ARGLU1: variants seen among roughly 807,000 people sequenced by gnomAD.
The protein encoded by ARGLU1 is arginine and glutamate-rich protein 1.
ARGLU1 carries 9 observed loss-of-function variants against 37.6 expected under a neutral mutation model. The ratio of observed to expected loss-of-function variants is 0.24; its 90% CI spans 0.14 to 0.42. ARGLU1 has a LOEUF of 0.42. Among genes scored for constraint, ARGLU1 ranks in the 10% least tolerant of loss-of-function variants. The pLI is 1.00. For missense variants in ARGLU1, 211 were observed against 359.2 expected (o/e 0.59, Z 3.34); for synonymous variants, 166 against 138.5 (o/e 1.20, Z -1.39).
intron 3 of ARGLU1, 126 bp from the exon 4 acceptor site, chr13:106,544,286 A>G: frequency 4.2e-6 from 3 of 709,116 alleles, no homozygotes; most frequent in Non-Finnish European, 6.2e-6. Flanking sequence ...AAAAGGGGGT[A>G]AAAACAAGGA....
intron 3 of ARGLU1, among the ~76,000 whole-genome samples, chr13:106,556,211 C>T (rs985442050): frequency 6.6e-6 from 1 of 152,208 alleles, no homozygotes; most frequent in Admixed American, 6.5e-5. Flanking sequence ...TTCGGGAAAG[C>T]GGATTATGGC....
rs961809637 is a variant in ARGLU1 at position 106,567,507 on chromosome 13, G to A, written c.347+66C>T. ...TCCCGGCCCGCACCGTCCCGCCCCG[G>A]CCCCACGCCCTCGCCCCGCGCCCTG... On this transcript the variant is annotated intron_variant, in intron 1 of 3. Coordinates refer to ENST00000400198, the MANE Select transcript of ARGLU1 (RefSeq NM_018011.4). This position sits in a 1 kb window ranked among gnomAD's most constrained non-coding sequence, Gnocchi z 4.3. The A allele has an allele frequency of 2.9e-5, 35 of 1,188,416 alleles. No individual in the cohort carries two copies. The highest frequency in any genetic ancestry group is 3.1e-5 in the Non-Finnish European group (25 of 809,394). 73.6% of individuals were successfully genotyped at this position (1,188,416 alleles called of 1,614,324 possible).
intron 1 of ARGLU1, chr13:106,561,810 T>C (rs1880809418): frequency 1.3e-5 from 2 of 152,142 alleles, no homozygotes; most frequent in African/African-American, 2.4e-5. Flanking sequence ...AAGGAGAAAA[T>C]GAGCCAAATA....
chr13:106,561,972 G>A (rs1594194491), intron 1 of ARGLU1: 1 of 152,192 alleles, frequency 6.6e-6, no homozygotes, highest in African/African-American at 2.4e-5. Flanking sequence ...ACAGCTCAGC[G>A]ACTTTATAGC....
intron 1 of ARGLU1, among the ~76,000 whole-genome samples, chr13:106,560,596 CAATAA>C (rs1287346883): frequency 2.0e-5 from 3 of 152,044 alleles, no homozygotes; most frequent in Non-Finnish European, 4.4e-5. Flanking sequence ...TAAAAATATA[CAATAA>C]AATTAATTTC....
Position 106,542,134 on chromosome 13 carries a change from A to C in ARGLU1, c.*1862T>G, listed in dbSNP as rs1265116738. 2.0e-5 allele frequency: 3 copies of C among 152,176 alleles called. No individual in the cohort carries two copies. Among genetic ancestry groups the C allele is most frequent in the African/African-American group, 7.2e-5 (3 of 41,438 alleles). 9.4% of individuals were successfully genotyped at this position (152,176 alleles called of 1,614,324 possible). A position where few individuals can be genotyped will look rare whatever the true frequency, so the allele number is the denominator to read the frequency against. ...ATATGTGGCAGTAAGAAACTTAAAA[A>C]AAAAATTAAAAGGCACGCATAAGCT... is the stretch of plus-strand genomic sequence containing the variant. On this transcript the variant is annotated 3_prime_UTR_variant, in exon 4 of 4. Transcript: ENST00000400198.
rs914171904 is a variant in ARGLU1 at position 106,557,677 on chromosome 13, A to C, written c.574-546T>G. The C allele has an allele frequency of 1.1e-5, 17 of 1,549,976 alleles. No homozygotes were observed. Among genetic ancestry groups the C allele is most frequent in the Non-Finnish European group, 1.5e-5 (17 of 1,145,644 alleles). Reference sequence around the variant, plus strand: ...CTGCATCAGCAGCTCAACCATTTATAAAGAAACAACATACAAGGAAGGCTG... The same window carrying C: ...CTGCATCAGCAGCTCAACCATTTATCAAGAAACAACATACAAGGAAGGCTG... On this transcript the variant is annotated intron_variant, in intron 2 of 3. Transcript: ENST00000400198. The surrounding 1 kb of genome is among the most constrained non-coding windows in gnomAD (Gnocchi z 5.0).
At chr13:106,546,442 T>G (rs954718942) in intron 3 of ARGLU1, among the ~76,000 whole-genome samples, 2 of 152,218 alleles carry the variant, frequency 1.3e-5, no homozygotes, top group East Asian at 1.9e-4. Context: ...ATTCTTTCCT[T>G]CTATGGAAAT....
At chr13:106,553,409 A>G (rs200040591) in intron 3 of ARGLU1, among the ~76,000 whole-genome samples, 1 of 152,192 alleles carries the variant, frequency 6.6e-6, no homozygotes, top group African/African-American at 2.4e-5. Flanking sequence ...ATAATTTGAG[A>G]GTATCTTTGT....
At chr13:106,558,275 T>A (rs1880707452) in intron 2 of ARGLU1, 1 of 984,024 alleles carries the variant, frequency 1.0e-6, no homozygotes. Context: ...ACATTCAATT[T>A]TATAGTCTGT....
chr13:106,567,693 G>A lies in ARGLU1; in HGVS notation c.227C>T (p.Ser76Leu), dbSNP rs200685505. ...SRRERDRERA[S>L]SPPDRIDIFG... ...GATGTCGATGCGGTCGGGCGGGGAC[G>A]AGGCGCGCTCCCGGTCCCGCTCGCG... Residue 76 changes from serine to leucine, a missense_variant, in exon 1 of 4, where the codon TCG (serine) becomes TTG (leucine). Ser to Leu is a moderately radical substitution (Grantham distance 145). Coordinates refer to ENST00000400198, the MANE Select transcript of ARGLU1 (RefSeq NM_018011.4). This position sits in a 1 kb window ranked among gnomAD's most constrained non-coding sequence, Gnocchi z 4.3. 2.7e-4 allele frequency: 429 copies of A among 1,612,994 alleles called. No homozygotes were observed. Among genetic ancestry groups the A allele is most frequent in the Admixed American group, 6.3e-4 (38 of 59,956 alleles).
chr13:106,554,694 G>A (rs1880617779), intron 3 of ARGLU1, among the ~76,000 whole-genome samples: 2 of 151,960 alleles, frequency 1.3e-5, no homozygotes, highest in African/African-American at 2.4e-5. Context: ...AGACCAGCCT[G>A]GCCAACATAC....
At chr13:106,545,727 C>T (rs1299803708) in intron 3 of ARGLU1, among the ~76,000 whole-genome samples, 1 of 152,042 alleles carries the variant, frequency 6.6e-6, no homozygotes, top group South Asian at 2.1e-4. Flanking sequence ...AGCAATGTGA[C>T]GTAGACTAAA....
intron 3 of ARGLU1, among the ~76,000 whole-genome samples, chr13:106,555,935 TTTC>T (rs779753040): frequency 1.6e-4 from 25 of 152,186 alleles, no homozygotes; most frequent in Non-Finnish European, 2.8e-4. Flanking sequence ...ACCATATTTT[TTTC>T]TTCTTTTCTG....
rs1285704475 is a variant in ARGLU1, at chr13:106,546,122, TTTTCA to T, written c.658-1967_658-1963del. ...TTTTATATTCTCTGCCTAGAGTTTA[TTTTCA>T]TTTCTTTTGCCAGCTTCATCAGTTT... On this transcript the variant is annotated intron_variant, in intron 3 of 3. Coordinates refer to ENST00000400198, the MANE Select transcript of ARGLU1 (RefSeq NM_018011.4). Among the ~76,000 whole-genome samples, 68 of 152,338 alleles carry T rather than the reference TTTTCA, an allele frequency of 4.5e-4. 1 individual carries two copies. The highest frequency in any genetic ancestry group is 1.6e-3 in the African/African-American group (68 of 41,578).
At chr13:106,548,042 C>A (rs557205050) in intron 3 of ARGLU1, among the ~76,000 whole-genome samples, 8 of 152,240 alleles carry the variant, frequency 5.3e-5, no homozygotes, top group Admixed American at 5.2e-4. Flanking sequence ...ATGTTAATCA[C>A]CAATGCTAGG....
At chr13:106,564,940 A>G (rs1309446361) in intron 1 of ARGLU1, among the ~76,000 whole-genome samples, 1 of 152,186 alleles carries the variant, frequency 6.6e-6, no homozygotes, top group African/African-American at 2.4e-5. Flanking sequence ...CACACTATAA[A>G]CATGAGAACC....
intron 3 of ARGLU1, among the ~76,000 whole-genome samples, chr13:106,553,793 TCA>T (rs1277598806): frequency 1.3e-5 from 2 of 152,238 alleles, no homozygotes; most frequent in African/African-American, 4.8e-5. Context: ...TATTATTTTT[TCA>T]GTTAAAATGT....
intron 2 of ARGLU1, chr13:106,558,219 A>G: frequency 3.0e-6 from 3 of 985,026 alleles, no homozygotes; most frequent in Non-Finnish European, 3.6e-6. Flanking sequence ...CATTACTCCA[A>G]AAATATCTTC....
Sources: allele counts gnomAD v4.1 joint callset (sites outside exome capture counted in the v4.1 genomes callset), GRCh38; gene constraint gnomAD v4.1.1; non-coding constraint Gnocchi (gnomAD v3.1); transcripts MANE v1.5; gene names NCBI Gene and HGNC (gene_info 2026-07-23, HGNC 2026-07-21).